CYP19A1: variants seen among roughly 807,000 people sequenced by gnomAD.
CYP19A1 encodes aromatase.
Under a neutral mutation model 44.4 loss-of-function variants are expected in CYP19A1, and 32 were observed. That is an observed-to-expected ratio of 0.72 (90% CI 0.54 to 0.97). CYP19A1 has a LOEUF of 0.97. Among genes scored for constraint, CYP19A1 ranks in the 50% least tolerant of loss-of-function variants. The pLI, the probability that CYP19A1 is intolerant of heterozygous loss-of-function variation, is 0.00. For missense variants in CYP19A1, 598 were observed against 637.8 expected, an observed-to-expected ratio of 0.94 and a Z score of 0.67; for synonymous variants, 212 against 215.6, an observed-to-expected ratio of 0.98 and a Z score of 0.14.
chr15:51,302,077 G>A (rs2036125682), intron 1 of CYP19A1, among the ~76,000 whole-genome samples: 1 of 152,092 alleles, frequency 6.6e-6, no homozygotes, highest in Non-Finnish European at 1.5e-5. Context: ...CATTTTTGGG[G>A]GGTTCTCATC....
At chr15:51,250,572 G>A (rs1204695712) in intron 1 of CYP19A1, among the ~76,000 whole-genome samples, 5 of 152,192 alleles carry the variant, frequency 3.3e-5, no homozygotes, top group Admixed American at 3.3e-4. Flanking sequence ...GAAACACAGT[G>A]AGAAATGACT....
At chr15:51,338,305 C>T (rs1206540888) in intron 1 of CYP19A1, 190 bp downstream of exon 1, 1 of 152,210 alleles carries the variant, frequency 6.6e-6, no homozygotes, top group Non-Finnish European at 1.5e-5. Context: ...AGTGTTTTCC[C>T]TCTGCTCTCA....
At chr15:51,213,002 A>G (rs1002021648) in intron 8 of CYP19A1, among the ~76,000 whole-genome samples, 1 of 152,188 alleles carries the variant, frequency 6.6e-6, no homozygotes, top group African/African-American at 2.4e-5. Flanking sequence ...TCTAAATTGT[A>G]GGGGACATTC....
At chr15:51,311,983 C>A (rs1350780387) in intron 1 of CYP19A1, among the ~76,000 whole-genome samples, 1 of 152,178 alleles carries the variant, frequency 6.6e-6, no homozygotes, top group Non-Finnish European at 1.5e-5. Context: ...TATTATATAT[C>A]AAACCCTAAT....
At chr15:51,252,086 G>C (rs1368782679) in intron 1 of CYP19A1, among the ~76,000 whole-genome samples, 1 of 152,158 alleles carries the variant, frequency 6.6e-6, no homozygotes, top group Non-Finnish European at 1.5e-5. Flanking sequence ...AGGCCAGCCA[G>C]TGGTGCCTGT....
chr15:51,267,285 G>C (rs1414065992), intron 1 of CYP19A1, among the ~76,000 whole-genome samples: 1 of 152,262 alleles, frequency 6.6e-6, no homozygotes, highest in South Asian at 2.1e-4. Flanking sequence ...GGCTGCCTGC[G>C]GTCGGTGCCG....
At chr15:51,215,658 C>A in intron 7 of CYP19A1, 45 bp downstream of exon 7, 1 of 1,613,698 alleles carries the variant, frequency 6.2e-7, no homozygotes, top group Non-Finnish European at 8.5e-7. Flanking sequence ...TCTACACAGT[C>A]ATAACATATG....
chr15:51,278,994 G>T (rs1456382829), intron 1 of CYP19A1: 1 of 152,174 alleles, frequency 6.6e-6, no homozygotes, highest in Non-Finnish European at 1.5e-5. Context: ...CTTCTTAACA[G>T]GTAGGATGCA....
At chr15:51,336,014 C>T (rs2036769822) in intron 1 of CYP19A1, among the ~76,000 whole-genome samples, 1 of 152,222 alleles carries the variant, frequency 6.6e-6, no homozygotes, top group South Asian at 2.1e-4. Flanking sequence ...CTCCTCACCC[C>T]TATCTTCGCC....
At position 51,215,143 on chromosome 15, in the gene CYP19A1, G is replaced by C. The variant is rs1391027657; in HGVS notation, c.948C>G (p.Phe316Leu). 2 of 1,613,912 alleles carry C rather than the reference G, an allele frequency of 1.2e-6. No individual in the cohort carries two copies. Among genetic ancestry groups the C allele is most frequent in the African/African-American group, 2.7e-5 (2 of 74,910 alleles). ...AAPDTMSVSL[F>L]FMLFLIAKHP... ...GCTTTGCAATGAGAAATAGCATGAAGAACAAAGAGACAGACATGGTGTCAG... is the reference window on the plus strand; with the variant it reads ...GCTTTGCAATGAGAAATAGCATGAACAACAAAGAGACAGACATGGTGTCAG... The change falls in exon 8 of 10, where the codon TTC becomes TTG. Residue 316 changes from phenylalanine to leucine, a missense_variant. By Grantham distance (22) the Phe-to-Leu change is conservative. Transcript: ENST00000396402.
intron 1 of CYP19A1, among the ~76,000 whole-genome samples, chr15:51,246,753 A>G (rs529531651): frequency 3.3e-5 from 5 of 152,318 alleles, no homozygotes; most frequent in South Asian, 2.1e-4. Context: ...TCTGCCTAGC[A>G]TGACCAGACC....
chr15:51,255,437 A>G (rs1164631414), intron 1 of CYP19A1: 2 of 152,212 alleles, frequency 1.3e-5, no homozygotes, highest in Non-Finnish European at 2.9e-5. Context: ...CTCTACAAAA[A>G]CCCAGTTAAA....
chr15:51,301,855 A>G lies in CYP19A1; in HGVS notation c.-39+36640T>C, dbSNP rs116468523. ...TGCCACCAAAGATAAAACAAAACTTATTCTTGAAATTTGCACAAATATTAT... is the reference window on the plus strand; with the variant it reads ...TGCCACCAAAGATAAAACAAAACTTGTTCTTGAAATTTGCACAAATATTAT... On this transcript the variant is annotated intron_variant, in intron 1 of 9. Transcript: ENST00000396402. Among the ~76,000 whole-genome samples the G allele has an allele frequency of 5.5e-3, 835 of 152,354 alleles. 11 individuals carry two copies. The highest frequency in any genetic ancestry group is 0.019 in the African/African-American group (804 of 41,570).
Position 51,306,796 on chromosome 15 carries a change from G to T in CYP19A1, c.-39+31699C>A, listed in dbSNP as rs569491647. ...GGCACAAGGAGTCCAGACAATCAAA[G>T]GTGGAATTGCTAAGGAGGAGGGAAA... On this transcript the variant is annotated intron_variant, in intron 1 of 9. Transcript: ENST00000396402. Among the ~76,000 whole-genome samples, 3 of 152,264 alleles carry T rather than the reference G, an allele frequency of 2.0e-5. No homozygotes were observed. In the South Asian group the frequency reaches 6.2e-4, roughly 32 times the overall value.
chr15:51,270,808 A>G (rs931830263), intron 1 of CYP19A1, among the ~76,000 whole-genome samples: 8 of 152,220 alleles, frequency 5.3e-5, no homozygotes, highest in African/African-American at 1.9e-4. Flanking sequence ...CTACACAGGC[A>G]GACAGATTCC....
At chr15:51,228,621 A>G (rs749161677) in intron 3 of CYP19A1, among the ~76,000 whole-genome samples, 22 of 152,210 alleles carry the variant, frequency 1.4e-4, no homozygotes, top group Non-Finnish European at 3.1e-4. Flanking sequence ...ATCATGACTC[A>G]TCAAAGTCTC....
At chr15:51,228,444 C>T (rs184516626) in intron 3 of CYP19A1, among the ~76,000 whole-genome samples, 1 of 152,260 alleles carries the variant, frequency 6.6e-6, no homozygotes, top group Non-Finnish European at 1.5e-5. Context: ...TACCACCCAA[C>T]TCCAGTCTCT....
intron 1 of CYP19A1, among the ~76,000 whole-genome samples, chr15:51,244,514 C>T (rs574440348): frequency 8.5e-5 from 13 of 152,078 alleles, no homozygotes; most frequent in African/African-American, 2.9e-4. Flanking sequence ...AGCCTTGTGT[C>T]TGTTATCATC....
intron 5 of CYP19A1, among the ~76,000 whole-genome samples, chr15:51,220,997 A>G (rs2032029117): frequency 6.7e-6 from 1 of 148,458 alleles, no homozygotes; most frequent in African/African-American, 2.5e-5. Context: ...TCATCAGTAG[A>G]GTGATTTGGG....
Sources: gnomAD v4.1 joint callset for allele counts (sites outside exome capture counted in the v4.1 genomes callset) on GRCh38, gnomAD v4.1.1 for gene constraint, MANE v1.5 for transcripts, NCBI Gene and HGNC (gene_info 2026-07-23, HGNC 2026-07-21) for gene names.